Variants in OTUD7A observed in about 807,000 individuals in gnomAD.
OTUD7A encodes OTU deubiquitinase 7A, also known as OTU domain-containing protein 7A.
OTUD7A carries 12 observed loss-of-function variants against 65.7 expected under a neutral mutation model. The ratio of observed to expected loss-of-function variants is 0.18; its 90% CI spans 0.12 to 0.30. The LOEUF is 0.30. Among genes scored for constraint, OTUD7A ranks in the 10% least tolerant of loss-of-function variants. The probability of loss-of-function intolerance (pLI) is 1.00; values close to 1 mark genes in which losing one functional copy is unlikely to be tolerated. For missense variants in OTUD7A, 1,148 were observed against 1,304.8 expected (o/e 0.88, Z 1.85); for synonymous variants, 641 against 586.3 (o/e 1.09, Z -1.35).
At chr15:31,510,586 C>CATATGTATATCTATATGTAACATAT (rs1566891795) in intron 8 of OTUD7A, among the ~76,000 whole-genome samples, 23 of 31,340 alleles carry the variant, frequency 7.3e-4, no homozygotes, top group African/African-American at 3.0e-3. Flanking sequence ...ATGTAACATA[C>CATATGTATATCTATATGTAACATAT]ATATGTATAT....
chr15:31,771,455 G>A (rs1270168561), intron 1 of OTUD7A, among the ~76,000 whole-genome samples: 13 of 152,092 alleles, frequency 8.5e-5, no homozygotes, highest in Non-Finnish European at 1.3e-4. Flanking sequence ...TAGGTCAAAC[G>A]CTTGGAATTG....
intron 3 of OTUD7A, among the ~76,000 whole-genome samples, chr15:31,584,541 T>A (rs1321366440): frequency 6.6e-6 from 1 of 152,214 alleles, no homozygotes; most frequent in Non-Finnish European, 1.5e-5. Context: ...TACAGGGGGA[T>A]GCCTACGTCA....
At chr15:31,812,161 T>C (rs7171443) in intron 1 of OTUD7A, among the ~76,000 whole-genome samples, 91,535 of 151,950 alleles carry the variant, frequency 0.6, 27,773 homozygotes, top group East Asian at 0.69. Context: ...CCTCAACCCG[T>C]GCATCACATG....
chr15:31,501,944 GAAGC>G, intron 9 of OTUD7A, 105 bp from the exon 10 acceptor site: 1 of 1,281,516 alleles, frequency 7.8e-7, no homozygotes, highest in Non-Finnish European at 1.1e-6. Context: ...ACTCCGTGGA[GAAGC>G]GGAGGGACAG....
intron 1 of OTUD7A, among the ~76,000 whole-genome samples, chr15:31,853,141 A>G (rs753588404): frequency 7.9e-5 from 12 of 152,222 alleles, no homozygotes; most frequent in Non-Finnish European, 1.3e-4. Flanking sequence ...TCTGGAGTCA[A>G]ACAAAAACTC....
intron 1 of OTUD7A, among the ~76,000 whole-genome samples, chr15:31,720,034 T>A (rs1403890720): frequency 2.0e-5 from 3 of 152,250 alleles, no homozygotes; most frequent in African/African-American, 7.2e-5. Context: ...AACGCTAATA[T>A]AATTTCTATT....
intron 1 of OTUD7A, among the ~76,000 whole-genome samples, chr15:31,851,169 C>G (rs961053201): frequency 6.6e-6 from 1 of 152,016 alleles, no homozygotes; most frequent in African/African-American, 2.4e-5. Flanking sequence ...AATCAAAGAC[C>G]AAGAGGCTGG....
At position 31,487,323 on chromosome 15, in the gene OTUD7A, T is replaced by C. The variant is rs754761610; in HGVS notation, c.1287-45A>G. On this transcript the variant is annotated intron_variant, in intron 11 of 12. Transcript: ENST00000307050. The surrounding 1 kb of genome is among the most constrained non-coding windows in gnomAD (Gnocchi z 6.0). Reference sequence around the variant, plus strand: ...CTATTGAAATGGTCTGAGCTGGCCCTTATAGCACCCAGTCCACTTGCATGC... The same window carrying C: ...CTATTGAAATGGTCTGAGCTGGCCCCTATAGCACCCAGTCCACTTGCATGC... 6.2e-7 allele frequency: 1 copy of C among 1,603,128 alleles called. No individual in the cohort carries two copies. The highest frequency in any genetic ancestry group is 1.7e-5 in the Admixed American group (1 of 59,802).
intron 3 of OTUD7A, among the ~76,000 whole-genome samples, chr15:31,606,120 C>T (rs966897440): frequency 2.6e-5 from 4 of 152,224 alleles, no homozygotes; most frequent in African/African-American, 4.8e-5. Context: ...CCTCACATCC[C>T]CATCATAGTT....
At chr15:31,501,664 T>C in intron 10 of OTUD7A, 26 bp downstream of exon 10, 1 of 1,614,014 alleles carries the variant, frequency 6.2e-7, no homozygotes, top group Non-Finnish European at 8.5e-7. Flanking sequence ...GGCTCCTGCG[T>C]GCACTCTCTT....
intron 1 of OTUD7A, among the ~76,000 whole-genome samples, chr15:31,756,763 A>G (rs1192350863): frequency 1.3e-5 from 2 of 152,146 alleles, no homozygotes; most frequent in African/African-American, 4.8e-5. Flanking sequence ...AAATTAGATG[A>G]AATCAGCTTA....
chr15:31,489,497 C>T (rs723623), intron 10 of OTUD7A, among the ~76,000 whole-genome samples: 38,978 of 151,972 alleles, frequency 0.26, 5,048 homozygotes, highest in Non-Finnish European at 0.29. Flanking sequence ...TTAGCCACCC[C>T]GGCCCCAGGA....
At chr15:31,740,318 G>A (rs780089795) in intron 1 of OTUD7A, among the ~76,000 whole-genome samples, 6 of 152,122 alleles carry the variant, frequency 3.9e-5, no homozygotes, top group Non-Finnish European at 7.4e-5. Flanking sequence ...GAGACTCTCC[G>A]CTTTCCCTCT....
At chr15:31,595,353 AC>A (rs1889871482) in intron 3 of OTUD7A, among the ~76,000 whole-genome samples, 1 of 152,242 alleles carries the variant, frequency 6.6e-6, no homozygotes, top group Non-Finnish European at 1.5e-5. Flanking sequence ...TGTTTCACTT[AC>A]ACAATTACCT....
At chr15:31,509,895 GTTAT>G (rs1418725474) in intron 8 of OTUD7A, among the ~76,000 whole-genome samples, 1 of 145,756 alleles carries the variant, frequency 6.9e-6, no homozygotes, top group African/African-American at 2.5e-5. Flanking sequence ...GTCTTTTCTA[GTTAT>G]TTTTTTACTT....
intron 1 of OTUD7A, among the ~76,000 whole-genome samples, chr15:31,731,382 T>C (rs1157338910): frequency 7.2e-5 from 11 of 152,208 alleles, no homozygotes; most frequent in African/African-American, 2.7e-4. Context: ...TAGAATATTA[T>C]TCAGCACTAA....
Position 31,737,271 on chromosome 15 carries a change from C to T in OTUD7A, c.-99-80194G>A, listed in dbSNP as rs544801287. Among the ~76,000 whole-genome samples, 241 of 152,216 alleles carry T rather than the reference C, an allele frequency of 1.6e-3. 5 individuals carry two copies. In the South Asian group the frequency reaches 0.049, roughly 31 times the overall value. On this transcript the variant is annotated intron_variant, in intron 1 of 12. Coordinates refer to ENST00000307050, the MANE Select transcript of OTUD7A (RefSeq NM_001382637.1). ...ACATACACAGGCAAGGGACTAACAG[C>T]CCTCTAAACAAAGAACTGCTATCCA...
intron 1 of OTUD7A, among the ~76,000 whole-genome samples, chr15:31,712,322 G>A (rs1893466954): frequency 6.6e-6 from 1 of 150,542 alleles, no homozygotes; most frequent in Non-Finnish European, 1.5e-5. Flanking sequence ...GGAGCATTTT[G>A]GACTGAAGGG....
At chr15:31,853,181 C>T (rs949305905) in intron 1 of OTUD7A, among the ~76,000 whole-genome samples, 4 of 152,234 alleles carry the variant, frequency 2.6e-5, no homozygotes, top group Non-Finnish European at 5.9e-5. Context: ...AAAGTTACTA[C>T]ACAATGCTCA....
Sources: gnomAD v4.1 joint callset for allele counts (sites outside exome capture counted in the v4.1 genomes callset) on GRCh38, gnomAD v4.1.1 for gene constraint, Gnocchi (gnomAD v3.1) non-coding constraint, MANE v1.5 for transcripts, NCBI Gene and HGNC (gene_info 2026-07-23, HGNC 2026-07-21) for gene names.